The following PACSIN2 variants were observed in gnomAD, a reference collection of about 807,000 sequenced individuals.
PACSIN2 encodes the protein protein kinase C and casein kinase substrate in neurons 2, also known as protein kinase C and casein kinase substrate in neurons protein 2.
PACSIN2 carries 25 observed loss-of-function variants against 63.8 expected under a neutral mutation model. The observed-to-expected ratio is 0.39, with a 90% CI of 0.29 to 0.55. The LOEUF (loss-of-function observed/expected upper bound fraction) is 0.55. PACSIN2 is among the 20% of genes least tolerant of loss of function. The probability of loss-of-function intolerance (pLI) is 0.62; values close to 1 mark genes in which losing one functional copy is unlikely to be tolerated. For missense variants in PACSIN2, 518 were observed against 646.9 expected (o/e 0.80, Z 2.16); for synonymous variants, 255 against 256.2 (o/e 1.00, Z 0.05).
At chr22:42,995,751 G>A (rs1034771145) in intron 1 of PACSIN2, among the ~76,000 whole-genome samples, 1 of 152,122 alleles carries the variant, frequency 6.6e-6, no homozygotes, top group Non-Finnish European at 1.5e-5. Context: ...TCCTCCTTGA[G>A]AAAGGCAATT....
chr22:43,000,958 G>A (rs1923729030), intron 1 of PACSIN2, among the ~76,000 whole-genome samples: 1 of 152,170 alleles, frequency 6.6e-6, no homozygotes, highest in African/African-American at 2.4e-5. Flanking sequence ...CCCAGCTCTG[G>A]GCCCCAACAA....
intron 1 of PACSIN2, among the ~76,000 whole-genome samples, chr22:42,950,744 G>C (rs1933654067): frequency 6.6e-6 from 1 of 152,210 alleles, no homozygotes; most frequent in African/African-American, 2.4e-5. Context: ...AAGTCCAGAT[G>C]GCTATGTACC....
At chr22:42,981,480 CGG>C (rs1174455160) in intron 1 of PACSIN2, among the ~76,000 whole-genome samples, 6 of 28,902 alleles carry the variant, frequency 2.1e-4, no homozygotes, top group African/African-American at 1.5e-3. Flanking sequence ...GGGAGGGAGG[CGG>C]CGGGGGGGGT....
At chr22:42,938,273 C>T (rs988091499) in intron 1 of PACSIN2, among the ~76,000 whole-genome samples, 6 of 152,168 alleles carry the variant, frequency 3.9e-5, no homozygotes, top group African/African-American at 1.4e-4. Context: ...TCCTAAAACC[C>T]GAGGATGAAA....
At chr22:42,990,059 CATATGTGTGTATAT>C (rs963296909) in intron 1 of PACSIN2, among the ~76,000 whole-genome samples, 2 of 83,668 alleles carry the variant, frequency 2.4e-5, no homozygotes, top group Non-Finnish European at 4.7e-5. Flanking sequence ...TATACACACA[CATATGTGTGTATAT>C]ATATGTGTGT....
At chr22:42,981,627 C>T (rs1922145221) in intron 1 of PACSIN2, among the ~76,000 whole-genome samples, 6 of 126,856 alleles carry the variant, frequency 4.7e-5, no homozygotes, top group African/African-American at 1.2e-4. Flanking sequence ...CCCGGCCAGC[C>T]GCCCCGTCCG....
At chr22:43,004,329 C>G (rs751143330) in intron 1 of PACSIN2, among the ~76,000 whole-genome samples, 2 of 152,208 alleles carry the variant, frequency 1.3e-5, no homozygotes, top group African/African-American at 2.4e-5. Flanking sequence ...AACATGGGGG[C>G]CTGTGCAGAC....
At chr22:42,946,082 C>T (rs1933406489) in intron 1 of PACSIN2, among the ~76,000 whole-genome samples, 2 of 152,212 alleles carry the variant, frequency 1.3e-5, no homozygotes, top group Non-Finnish European at 2.9e-5. Flanking sequence ...ACACTGTTCC[C>T]TCTGAACAAA....
chr22:42,939,993 T>C (rs181233895), intron 1 of PACSIN2, among the ~76,000 whole-genome samples: 1 of 152,336 alleles, frequency 6.6e-6, no homozygotes, highest in East Asian at 1.9e-4. Context: ...AGGAAAATTC[T>C]ACCTAGCACC....
intron 1 of PACSIN2, among the ~76,000 whole-genome samples, chr22:43,000,256 C>T (rs573664963): frequency 1.3e-5 from 2 of 152,328 alleles, no homozygotes; most frequent in East Asian, 3.9e-4. Flanking sequence ...CAAAAGCCAG[C>T]CATCCTGGAC....
At chr22:42,877,551 A>C (rs1009903684) in intron 8 of PACSIN2, among the ~76,000 whole-genome samples, 1 of 152,182 alleles carries the variant, frequency 6.6e-6, no homozygotes, top group African/African-American at 2.4e-5. Flanking sequence ...AATCAGGGCC[A>C]GGGCCTGCGG....
intron 1 of PACSIN2, among the ~76,000 whole-genome samples, chr22:42,957,736 T>C (rs1470311776): frequency 6.6e-5 from 10 of 152,214 alleles, no homozygotes; most frequent in African/African-American, 1.2e-4. Context: ...GCAGAAATGC[T>C]AAAGGTTTGG....
At chr22:42,984,795 A>G (rs1922491953) in intron 1 of PACSIN2, among the ~76,000 whole-genome samples, 1 of 152,178 alleles carries the variant, frequency 6.6e-6, no homozygotes, top group Non-Finnish European at 1.5e-5. Context: ...CAAGACTAAG[A>G]GCACAGGTCT....
At chr22:42,947,616 C>A (rs1021863673) in intron 1 of PACSIN2, among the ~76,000 whole-genome samples, 8 of 148,850 alleles carry the variant, frequency 5.4e-5, no homozygotes, top group African/African-American at 2.0e-4. Context: ...AGCCTGGATG[C>A]ACAAATCTAG....
rs73886164 is a variant in PACSIN2 at position 42,879,251 on chromosome 22, G to A, written c.907-82C>T. On this transcript the variant is annotated intron_variant, in intron 7 of 10. Transcript: ENST00000263246. ...CGTCTGTCCTCAGTTCCTGCCCAGCGAGCCTGCAGTTGGCTCTGTGCATCT... is the reference window on the plus strand; with the variant it reads ...CGTCTGTCCTCAGTTCCTGCCCAGCAAGCCTGCAGTTGGCTCTGTGCATCT... 6,976 of 1,477,132 alleles carry A rather than the reference G, an allele frequency of 4.7e-3. 295 individuals are homozygous for A. The African/African-American group carries it at 0.088, about 19-fold the overall frequency. 91.5% of individuals were successfully genotyped at this position (1,477,132 alleles called of 1,614,324 possible).
intron 5 of PACSIN2, among the ~76,000 whole-genome samples, chr22:42,887,540 C>T (rs1367402480): frequency 2.0e-5 from 3 of 152,256 alleles, no homozygotes; most frequent in Non-Finnish European, 4.4e-5. Context: ...TACCTCATTC[C>T]GTCTCTCTCT....
chr22:42,871,404 C>T lies in PACSIN2; in HGVS notation c.1414G>A (p.Gly472Arg), dbSNP rs1928110794. Residue 472 changes from glycine (G) to arginine (R), a missense_variant, in exon 11 of 11, where the codon GGG becomes AGG. By Grantham distance (125) the Gly-to-Arg change is moderately radical (BLOSUM62 -2). Around this residue, in one of 2 missense-constraint regions of PACSIN2, gnomAD observed 11 missense variants for 34.6 expected, o/e 0.32. Coordinates refer to ENST00000263246, the MANE Select transcript of PACSIN2 (RefSeq NM_001184970.3). The surrounding 1 kb of genome is among the most constrained non-coding windows in gnomAD (Gnocchi z 5.4). ...QGWCKGRLDN[G>R]QVGLYPANYV... ...TTTGCCGGGTATAGGCCAACTTGCC[C>T]GTTGTCCAAGCGTCCCTTGCACCAG... 1.9e-6 allele frequency: 3 copies of T among 1,614,040 alleles called. No homozygotes were observed. The highest frequency in any genetic ancestry group is 1.3e-5 in the African/African-American group (1 of 74,938).
chr22:42,925,044 C>G (rs1932449716), intron 1 of PACSIN2, among the ~76,000 whole-genome samples: 1 of 151,886 alleles, frequency 6.6e-6, no homozygotes, highest in Non-Finnish European at 1.5e-5. Context: ...GCGTCCGGCC[C>G]CAGTGAGAAC....
At chr22:42,873,093 T>G (rs765996116) in intron 10 of PACSIN2, among the ~76,000 whole-genome samples, 2 of 152,206 alleles carry the variant, frequency 1.3e-5, no homozygotes, top group Non-Finnish European at 2.9e-5. Context: ...TTTTGCATTG[T>G]TAAAAAGCAG....
Sources: allele counts gnomAD v4.1 joint callset (sites outside exome capture counted in the v4.1 genomes callset), GRCh38; gene constraint gnomAD v4.1.1; regional missense constraint gnomAD v4.1.1; non-coding constraint Gnocchi (gnomAD v3.1); transcripts MANE v1.5; gene names NCBI Gene and HGNC (gene_info 2026-07-23, HGNC 2026-07-21).